ZNF37A: variants seen among roughly 807,000 people sequenced by gnomAD.
ZNF37A encodes the protein zinc finger protein 37A, also known as zinc finger protein 37a (KOX 21).
In ZNF37A, 10 loss-of-function variants were observed where a neutral mutation model predicts 12.3. The observed-to-expected ratio is 0.82, with a 90% CI of 0.50 to 1.38. The LOEUF is 1.38. Ranked by LOEUF, ZNF37A falls within the 40% of genes most tolerant of loss-of-function variation. The probability of loss-of-function intolerance (pLI) is 0.00; values close to 1 mark genes in which losing one functional copy is unlikely to be tolerated. For missense variants in ZNF37A, 580 were observed against 651.2 expected (o/e 0.89, Z 1.19); for synonymous variants, 207 against 223.0 (o/e 0.93, Z 0.64).
At position 38,114,818 on chromosome 10, in the gene ZNF37A, C is replaced by G. The variant is rs771770464; in HGVS notation, c.79C>G (p.Pro27Ala). 1.2e-5 allele frequency: 20 copies of G among 1,613,964 alleles called. No homozygotes were observed. In the South Asian group the frequency reaches 2.2e-4, roughly 18 times the overall value. ...TCAAGAGGAGTGGCAGCATCTGGAC[C>G]CTGCTCAGAGGACCCTGTACAGGGA... ...FTQEEWQHLD[P>A]AQRTLYRDVM... Residue 27 changes from proline (P) to alanine (A), a missense_variant, in exon 6 of 8, where the codon CCT becomes GCT. Physicochemically the swap from Pro to Ala is conservative, Grantham distance 27. Coordinates refer to ENST00000685332, the MANE Select transcript of ZNF37A (RefSeq NM_001324250.3).
At position 38,135,819 on chromosome 10, in the gene ZNF37A, A is replaced by T. The variant is rs1178219838; in HGVS notation, c.239-10913A>T. On this transcript the variant is annotated intron_variant, in intron 7 of 7. Transcript: ENST00000638053. ...AATCTTGTGAGAAATCACTCTCACA[A>T]GAACAGCATGGGGAAAACCACCCTC... Among the ~76,000 whole-genome samples the T allele has an allele frequency of 2.6e-5, 4 of 152,166 alleles. No homozygotes were observed. In the East Asian group the frequency reaches 7.7e-4, roughly 29 times the overall value.
chr10:38,098,766 C>T (rs1225091765), intron 5 of ZNF37A, among the ~76,000 whole-genome samples: 1 of 152,148 alleles, frequency 6.6e-6, no homozygotes, highest in Non-Finnish European at 1.5e-5. Flanking sequence ...TCTGTGGGTA[C>T]TTTCACACTA....
Position 38,112,798 on chromosome 10 carries a change from GTCTT to G in ZNF37A, c.16-1956_16-1953del, listed in dbSNP as rs1564932692. ...TTCTTTTCTTTTCTTTTCTTTTCTTGTCTTGTCTTGTCTTCTTTTCTTTTCTTTC... is the reference window on the plus strand; with the variant it reads ...TTCTTTTCTTTTCTTTTCTTTTCTTGGTCTTGTCTTCTTTTCTTTTCTTTC... On this transcript the variant is annotated intron_variant, in intron 5 of 7. Transcript: ENST00000685332. Among the ~76,000 whole-genome samples the G allele has an allele frequency of 6.1e-3, 209 of 34,318 alleles. 19 individuals carry two copies. The highest frequency in any genetic ancestry group is 0.013 in the African/African-American group (111 of 8,528). 22.5% of individuals were successfully genotyped at this position (34,318 alleles called of 152,430 possible).
rs541769470 is a variant in ZNF37A, at chr10:38,096,870, A to T, written c.15+238A>T. 4.6e-5 allele frequency among the ~76,000 whole-genome samples: 7 copies of T among 152,294 alleles called. No homozygotes were observed. In the South Asian group the frequency reaches 1.0e-3, roughly 23 times the overall value. Reference sequence around the variant, plus strand: ...AAAACAAGAATTATATGAAATTCAGATTTCATTATATATAAAGTTTTATTG... The same window carrying T: ...AAAACAAGAATTATATGAAATTCAGTTTTCATTATATATAAAGTTTTATTG... On this transcript the variant is annotated intron_variant, in intron 5 of 7. Transcript: ENST00000685332.
chr10:38,127,391 C>A (rs1362422860), downstream of ZNF37A, among the ~76,000 whole-genome samples: 1 of 152,178 alleles, frequency 6.6e-6, no homozygotes, highest in African/African-American at 2.4e-5. Flanking sequence ...GTATTTCTCT[C>A]TTTAATACTA....
In ZNF37A at chr10:38,113,713, A is replaced by G. The variant is rs548952644; in HGVS notation, c.16-1042A>G. 1.6e-4 allele frequency among the ~76,000 whole-genome samples: 25 copies of G among 152,240 alleles called. 1 individual carries two copies. The East Asian group carries it at 4.8e-3, about 29-fold the overall frequency. On this transcript the variant is annotated intron_variant, in intron 5 of 7. Transcript: ENST00000685332. Reference sequence around the variant, plus strand: ...TCTCCACTGCTGCCCCTTGGTATAGACAATCTACCTCTAATGCTGCTCTCC... The same window carrying G: ...TCTCCACTGCTGCCCCTTGGTATAGGCAATCTACCTCTAATGCTGCTCTCC...
In ZNF37A at chr10:38,123,356, TAGC is replaced by T. The variant is rs752585127; in HGVS notation, c.*4522_*4524del. The stretch of plus-strand genomic sequence containing the variant: ...GTTTAAAGACTTGTTATTAAAATAA[TAGC>T]AGTTTCTATAAATTTAATATTTCAA... On this transcript the variant is annotated 3_prime_UTR_variant, in exon 8 of 8. Transcript: ENST00000685332. The T allele has an allele frequency of 4.6e-5, 7 of 152,220 alleles. No individual in the cohort carries two copies. The highest frequency in any genetic ancestry group is 1.4e-4 in the African/African-American group (6 of 41,452). 9.4% of individuals were successfully genotyped at this position (152,220 alleles called of 1,614,324 possible).
In ZNF37A at chr10:38,114,895, G is replaced by A; in HGVS notation, c.142+14G>A. On this transcript the variant is annotated intron_variant, in intron 6 of 7. Coordinates refer to ENST00000685332, the MANE Select transcript of ZNF37A (RefSeq NM_001324250.3). ...TTGTCTCAGTAGGTAGGTAGGAATTGTTTCCCATGTAGAAGGCCAGAATGC... is the reference window on the plus strand; with the variant it reads ...TTGTCTCAGTAGGTAGGTAGGAATTATTTCCCATGTAGAAGGCCAGAATGC... 1 of 1,602,476 alleles carries A rather than the reference G, an allele frequency of 6.2e-7. No homozygotes were observed. Among genetic ancestry groups the A allele is most frequent in the Non-Finnish European group, 8.5e-7 (1 of 1,175,568 alleles).
rs1421123508 is a variant in ZNF37A at position 38,114,828 on chromosome 10, G to A, written c.89G>A (p.Arg30Lys). ...EEWQHLDPAQ[R>K]TLYRDVMLEN... is the part of the protein sequence containing the mutation. Reference sequence around the variant, plus strand: ...TGGCAGCATCTGGACCCTGCTCAGAGGACCCTGTACAGGGATGTGATGCTG... The same window carrying A: ...TGGCAGCATCTGGACCCTGCTCAGAAGACCCTGTACAGGGATGTGATGCTG... The change falls in exon 6 of 8, where the codon AGG (arginine) becomes AAG (lysine). Residue 30 changes from arginine (R) to lysine (K), a missense_variant. Arg to Lys is a conservative substitution (Grantham distance 26). Transcript: ENST00000685332. 1 of 1,613,926 alleles carries A rather than the reference G, an allele frequency of 6.2e-7. No individual in the cohort carries two copies. The highest frequency in any genetic ancestry group is 1.3e-5 in the African/African-American group (1 of 74,904).
rs1303595056 is a variant in ZNF37A at position 38,095,587 on chromosome 10, C to T, written c.-148C>T. On this transcript the variant is annotated 5_prime_UTR_variant, in exon 3 of 8. Transcript: ENST00000685332. Reference sequence around the variant, plus strand: ...GCACAACTAGAGATGTACGGATGCCCCCATCTTGATCTTACAGAATCAGAG... The same window carrying T: ...GCACAACTAGAGATGTACGGATGCCTCCATCTTGATCTTACAGAATCAGAG... The T allele has an allele frequency of 1.3e-5, 2 of 152,126 alleles. No homozygotes were observed. The highest frequency in any genetic ancestry group is 2.9e-5 in the Non-Finnish European group (2 of 68,052). The allele number at this position is 152,126 out of a possible 1,614,324, so 9.4% of individuals were successfully genotyped here. A position where few individuals can be genotyped will look rare whatever the true frequency, so the allele number is the denominator to read the frequency against.
intron 7 of ZNF37A, among the ~76,000 whole-genome samples, chr10:38,144,842 G>A (rs1394025176): frequency 1.3e-5 from 2 of 152,198 alleles, no homozygotes; most frequent in African/African-American, 2.4e-5. Context: ...AGTCTCGTAT[G>A]CAGCACTACC....
At chr10:38,127,591 T>G (rs1172448270), downstream of ZNF37A, among the ~76,000 whole-genome samples, 2 of 152,174 alleles carry the variant, frequency 1.3e-5, no homozygotes, top group African/African-American at 4.8e-5. Flanking sequence ...GGGGCCAGTT[T>G]GTTAGTAGAA....
downstream of ZNF37A, among the ~76,000 whole-genome samples, chr10:38,129,139 G>A (rs2069973568): frequency 6.6e-6 from 1 of 151,538 alleles, no homozygotes; most frequent in South Asian, 2.1e-4. Context: ...TAGCTTTCTA[G>A]ATAGTGGATT....
At chr10:38,112,735 CTTTTCTTTTCTTTTCT>C (rs2068807859) in intron 5 of ZNF37A, among the ~76,000 whole-genome samples, 1 of 24,100 alleles carries the variant, frequency 4.1e-5, no homozygotes, top group African/African-American at 1.4e-4. Flanking sequence ...CATCCATTTT[CTTTTCTTTTCTTTTCT>C]TTTCTTTTCT....
chr10:38,104,024 C>T lies in ZNF37A; in HGVS notation c.15+7392C>T, dbSNP rs530514026. On this transcript the variant is annotated intron_variant, in intron 5 of 7. Coordinates refer to ENST00000685332, the MANE Select transcript of ZNF37A (RefSeq NM_001324250.3). ...AGGTTCCTCTCAGGTTTTTTCTGAG[C>T]ATGCATATTGTCTTGGACTTACACA... Among the ~76,000 whole-genome samples, 16 of 152,310 alleles carry T rather than the reference C, an allele frequency of 1.1e-4. No homozygotes were observed. In the South Asian group the frequency reaches 3.1e-3, roughly 30 times the overall value.
intron 7 of ZNF37A, among the ~76,000 whole-genome samples, chr10:38,130,641 T>G (rs1016649257): frequency 2.0e-5 from 3 of 151,994 alleles, no homozygotes; most frequent in African/African-American, 7.2e-5. Context: ...TTGCATTTTT[T>G]TTTTTCGAAG....
At chr10:38,124,705 T>G (rs2069894819), downstream of ZNF37A, 1 of 152,200 alleles carries the variant, frequency 6.6e-6, no homozygotes, top group Non-Finnish European at 1.5e-5. Context: ...TATTTATTCT[T>G]AGTACTGGAA....
chr10:38,149,598 A>T (rs1590957339), exon 8 of ZNF37A: 1 of 95,798 alleles, frequency 1.0e-5, no homozygotes. Flanking sequence ...TTTTTGAGAG[A>T]GAGTCTAGCT....
At position 38,119,793 on chromosome 10, in the gene ZNF37A, G is replaced by A. The variant is rs2069584684; in HGVS notation, c.*956G>A. On this transcript the variant is annotated 3_prime_UTR_variant, in exon 8 of 8. Coordinates refer to ENST00000685332, the MANE Select transcript of ZNF37A (RefSeq NM_001324250.3). ...AGTGCTCTTGTATGTCCAGAAGAAA[G>A]AGAAAGACCATCAATCAGGGGCCAT... 6.6e-6 allele frequency: 1 copy of A among 152,162 alleles called. No homozygotes were observed. Among genetic ancestry groups the A allele is most frequent in the African/African-American group, 2.4e-5 (1 of 41,430 alleles). 9.4% of individuals were successfully genotyped at this position (152,162 alleles called of 1,614,324 possible).
Sources: allele counts gnomAD v4.1 joint callset (sites outside exome capture counted in the v4.1 genomes callset), GRCh38; gene constraint gnomAD v4.1.1; transcripts MANE v1.5; gene names NCBI Gene and HGNC (gene_info 2026-07-23, HGNC 2026-07-21).